The following CEP43 variants were observed in gnomAD, a reference collection of about 807,000 sequenced individuals.
The protein encoded by CEP43 is FGFR1 oncogene partner.
CEP43 carries 36 observed loss-of-function variants against 52.6 expected under a neutral mutation model. That is an observed-to-expected ratio of 0.68 (90% CI 0.52 to 0.90). The LOEUF is 0.90. Ranked by LOEUF, CEP43 falls within the 40% of genes least tolerant of loss-of-function variation. The pLI is 0.00. For missense variants in CEP43, 506 were observed against 472.8 expected, an observed-to-expected ratio of 1.07 and a Z score of -0.65; for synonymous variants, 192 against 172.4, an observed-to-expected ratio of 1.11 and a Z score of -0.89.
At chr6:167,006,698 A>G (rs1284975310) in intron 5 of CEP43, among the ~76,000 whole-genome samples, 2 of 152,190 alleles carry the variant, frequency 1.3e-5, no homozygotes, top group Non-Finnish European at 2.9e-5. Flanking sequence ...TGGTGTCCAC[A>G]GGAGAGTCCT....
intron 12 of CEP43, among the ~76,000 whole-genome samples, chr6:167,038,157 C>T (rs1392244249): frequency 6.6e-6 from 1 of 152,166 alleles, no homozygotes; most frequent in Non-Finnish European, 1.5e-5. Flanking sequence ...GTTGTTTATA[C>T]AAATGAATAG....
intron 12 of CEP43, among the ~76,000 whole-genome samples, chr6:167,034,271 G>C (rs1780535838): frequency 6.6e-6 from 1 of 152,094 alleles, no homozygotes; most frequent in Non-Finnish European, 1.5e-5. Flanking sequence ...AGTGAGAATT[G>C]ACCACCTGGT....
intron 7 of CEP43, 140 bp from the exon 8 acceptor site, chr6:167,022,259 AACACACACAC>A (rs35327997): frequency 1.8e-4 from 99 of 544,762 alleles, no homozygotes; most frequent in Middle Eastern, 1.4e-3. Context: ...GAGCTGCCCC[AACACACACAC>A]ACACACACAC....
At chr6:167,031,850 T>C (rs1780477999) in intron 10 of CEP43, among the ~76,000 whole-genome samples, 1 of 152,236 alleles carries the variant, frequency 6.6e-6, no homozygotes, top group Non-Finnish European at 1.5e-5. Flanking sequence ...ATTTGTCCTT[T>C]ATAGCCTTAA....
Position 167,042,774 on chromosome 6 carries a change from T to A in CEP43, c.*2796T>A, listed in dbSNP as rs912739320. ...CACCACTTGCATTTACCCCTTTTAT[T>A]TTATTCATCTCAGCATACTCTGAAA... On this transcript the variant is annotated 3_prime_UTR_variant, in exon 13 of 13. Coordinates refer to ENST00000366847, the MANE Select transcript of CEP43 (RefSeq NM_007045.4). 2.8e-5 allele frequency: 4 copies of A among 144,744 alleles called. No homozygotes were observed. Among genetic ancestry groups the A allele is most frequent in the Admixed American group, 7.2e-5 (1 of 13,898 alleles). The allele number at this position is 144,744 out of a possible 1,614,324, so 9.0% of individuals were successfully genotyped here.
chr6:167,016,939 G>A (rs1780112535), intron 7 of CEP43, among the ~76,000 whole-genome samples: 1 of 151,286 alleles, frequency 6.6e-6, no homozygotes, highest in Non-Finnish European at 1.5e-5. Context: ...GTATGTAAAT[G>A]GAAAAATGGT....
At chr6:167,013,220 G>A (rs1309878365) in intron 6 of CEP43, among the ~76,000 whole-genome samples, 1 of 152,184 alleles carries the variant, frequency 6.6e-6, no homozygotes, top group Non-Finnish European at 1.5e-5. Flanking sequence ...TTAGAATGCT[G>A]CTAAAATGTA....
intron 7 of CEP43, 150 bp from the exon 8 acceptor site, chr6:167,022,259 A>AACACACACACACACACAC (rs35327997): frequency 3.9e-5 from 21 of 544,768 alleles, no homozygotes; most frequent in South Asian, 5.0e-5. Flanking sequence ...GAGCTGCCCC[A>AACACACACACACACACAC]ACACACACAC....
chr6:167,025,647 T>C (rs990427526), intron 9 of CEP43, among the ~76,000 whole-genome samples: 3 of 152,252 alleles, frequency 2.0e-5, no homozygotes, highest in African/African-American at 7.2e-5. Context: ...TTGCTTGATA[T>C]ACTGTGGGAC....
chr6:167,036,847 G>A, intron 12 of CEP43: 1 of 826,932 alleles, frequency 1.2e-6, no homozygotes, highest in Non-Finnish European at 1.5e-6. Context: ...TCACTCTGTT[G>A]CCTAGGCTGG....
In CEP43 at chr6:167,044,455, C is replaced by T. The variant is rs1780761487; in HGVS notation, c.*4477C>T. On this transcript the variant is annotated 3_prime_UTR_variant, in exon 13 of 13. Coordinates refer to ENST00000366847, the MANE Select transcript of CEP43 (RefSeq NM_007045.4). ...GCCAGGAGACTTGGCCAGAGGACCTCCAGGCTGACAAAGTTTCCCCGAGGA... is the reference window on the plus strand; with the variant it reads ...GCCAGGAGACTTGGCCAGAGGACCTTCAGGCTGACAAAGTTTCCCCGAGGA... 2.0e-6 allele frequency: 2 copies of T among 985,240 alleles called. No homozygotes were observed. The highest frequency in any genetic ancestry group is 3.5e-5 in the African/African-American group (2 of 57,310). The allele number at this position is 985,240 out of a possible 1,614,324, so 61.0% of individuals were successfully genotyped here.
intron 12 of CEP43, chr6:167,036,679 T>C (rs1780591518): frequency 1.0e-6 from 1 of 984,610 alleles, no homozygotes; most frequent in East Asian, 1.1e-4. Context: ...AGACTCAAAA[T>C]GTACGTTTTA....
At chr6:167,021,294 T>A (rs1447174161) in intron 7 of CEP43, among the ~76,000 whole-genome samples, 1 of 152,216 alleles carries the variant, frequency 6.6e-6, no homozygotes. Context: ...AGTTAACCTC[T>A]GGAAGCAGGC....
At chr6:167,039,153 G>A (rs948559715) in intron 12 of CEP43, among the ~76,000 whole-genome samples, 19 of 150,526 alleles carry the variant, frequency 1.3e-4, no homozygotes, top group African/African-American at 2.2e-4. Context: ...TTTTTGAGTC[G>A]GAGTCTCGCT....
chr6:167,042,879 C>G lies in CEP43; in HGVS notation c.*2901C>G, dbSNP rs139556509. 1.8e-4 allele frequency: 24 copies of G among 135,332 alleles called. No homozygotes were observed. The highest frequency in any genetic ancestry group is 6.4e-4 in the African/African-American group (24 of 37,724). The allele number at this position is 135,332 out of a possible 1,614,324, so 8.4% of individuals were successfully genotyped here. Reference sequence around the variant, plus strand: ...GTGAGAACAGGGATTTTCTTTTAAACTGCTGTGTACCTGGCACAACATTTG... The same window carrying G: ...GTGAGAACAGGGATTTTCTTTTAAAGTGCTGTGTACCTGGCACAACATTTG... On this transcript the variant is annotated 3_prime_UTR_variant, in exon 13 of 13. Transcript: ENST00000366847.
In CEP43 at chr6:167,044,783, GC is replaced by G. The variant is rs1234930209; in HGVS notation, c.*4809del. The G allele has an allele frequency of 1.3e-5, 2 of 154,056 alleles. No homozygotes were observed. Among genetic ancestry groups the G allele is most frequent in the Non-Finnish European group, 2.9e-5 (2 of 69,704 alleles). 9.5% of individuals were successfully genotyped at this position (154,056 alleles called of 1,614,324 possible). On this transcript the variant is annotated 3_prime_UTR_variant, in exon 13 of 13. Coordinates refer to ENST00000366847, the MANE Select transcript of CEP43 (RefSeq NM_007045.4). ...AGGAGGGGCCGGGCTCCCAACTCCTGCCCCGCTTCTAGCACATGCTGTGCTT... is the reference window on the plus strand; with the variant it reads ...AGGAGGGGCCGGGCTCCCAACTCCTGCCCGCTTCTAGCACATGCTGTGCTT...
chr6:167,042,038 G>C lies in CEP43; in HGVS notation c.*2060G>C. 1.7e-6 allele frequency: 1 copy of C among 602,528 alleles called. No individual in the cohort carries two copies. The highest frequency in any genetic ancestry group is 2.1e-6 in the Non-Finnish European group (1 of 474,926). The allele number at this position is 602,528 out of a possible 1,614,324, so 37.3% of individuals were successfully genotyped here. A position where few individuals can be genotyped will look rare whatever the true frequency, so the allele number is the denominator to read the frequency against. ...GGGGTTTCACCATGTTGGTCAGGCT[G>C]GTCTTGAACTCCTGACCTCGTTCCT... On this transcript the variant is annotated 3_prime_UTR_variant, in exon 13 of 13. Transcript: ENST00000366847.
rs1293009573 is a variant in CEP43 at position 167,040,133 on chromosome 6, T to C, written c.*155T>C. 6.4e-7 allele frequency: 1 copy of C among 1,551,994 alleles called. No homozygotes were observed. The stretch of plus-strand genomic sequence containing the variant: ...GATATTTTTTAAAAGTAATTTTCAT[T>C]TTACTAAACAAAATACTTCCTATTT... On this transcript the variant is annotated 3_prime_UTR_variant, in exon 13 of 13. Coordinates refer to ENST00000366847, the MANE Select transcript of CEP43 (RefSeq NM_007045.4).
Position 167,049,734 on chromosome 6 carries a change from G to A in CEP43, c.*9756G>A, listed in dbSNP as rs888664065. 6.6e-6 allele frequency: 1 copy of A among 152,162 alleles called. No individual in the cohort carries two copies. Among genetic ancestry groups the A allele is most frequent in the Non-Finnish European group, 1.5e-5 (1 of 68,026 alleles). The allele number at this position is 152,162 out of a possible 1,614,324, so 9.4% of individuals were successfully genotyped here. On this transcript the variant is annotated 3_prime_UTR_variant, in exon 13 of 13. Transcript: ENST00000366847. ...TATTTTCTCTTGAGTACATAAAAGTGGAGCCTCTGAGTAATATAATAACTC... is the reference window on the plus strand; with the variant it reads ...TATTTTCTCTTGAGTACATAAAAGTAGAGCCTCTGAGTAATATAATAACTC...
Sources: gnomAD v4.1 joint callset for allele counts (sites outside exome capture counted in the v4.1 genomes callset) on GRCh38, gnomAD v4.1.1 for gene constraint, MANE v1.5 for transcripts, NCBI Gene and HGNC (gene_info 2026-07-23, HGNC 2026-07-21) for gene names.